LILRB1: variants seen among roughly 807,000 people sequenced by gnomAD.
LILRB1 encodes leukocyte immunoglobulin-like receptor subfamily B member 1.
Under a neutral mutation model 74.6 loss-of-function variants are expected in LILRB1, and 59 were observed. The ratio of observed to expected loss-of-function variants is 0.79; its 90% CI spans 0.64 to 0.98. The LOEUF (loss-of-function observed/expected upper bound fraction) is 0.98, where lower values mean the gene tolerates loss of function less well. Ranked by LOEUF, LILRB1 falls within the 50% of genes least tolerant of loss-of-function variation. LILRB1 has a pLI of 0.00. For missense variants in LILRB1, 804 were observed against 822.6 expected (o/e 0.98, Z 0.28); for synonymous variants, 328 against 333.9 (o/e 0.98, Z 0.19).
chr19:54,634,797 C>T lies in LILRB1; in HGVS notation c.1486+34C>T, dbSNP rs535265634. 5.0e-6 allele frequency: 8 copies of T among 1,610,058 alleles called. No individual in the cohort carries two copies. In the Admixed American group the frequency reaches 5.0e-5, roughly 10 times the overall value. ...GGAATGGGGGGACCCTGAGGGCTGA[C>T]CGAGGGTGGGCTCAGGGCACAGCCA... On this transcript the variant is annotated intron_variant, in intron 10 of 14. Transcript: ENST00000324602.
Position 54,634,337 on chromosome 19 carries a change from C to T in LILRB1, c.1364-304C>T, listed in dbSNP as rs753000020. 8 of 1,541,098 alleles carry T rather than the reference C, an allele frequency of 5.2e-6. No individual in the cohort carries two copies. The South Asian group carries it at 9.5e-5, about 18-fold the overall frequency. On this transcript the variant is annotated intron_variant, in intron 9 of 14. Coordinates refer to ENST00000324602, the MANE Select transcript of LILRB1 (RefSeq NM_001081637.3). Reference sequence around the variant, plus strand: ...AGGGGAGGGGAGAAGAGTCATGGTTCAGGACGGTCAGGCTCTTTCCCTGCA... The same window carrying T: ...AGGGGAGGGGAGAAGAGTCATGGTTTAGGACGGTCAGGCTCTTTCCCTGCA...
At chr19:54,624,894 A>C (rs962580071) in intron 1 of LILRB1, among the ~76,000 whole-genome samples, 7 of 150,134 alleles carry the variant, frequency 4.7e-5, no homozygotes, top group Non-Finnish European at 1.0e-4. Flanking sequence ...TGCAGCTGAA[A>C]TGTCCAGGTG....
chr19:54,619,954 GT>G (rs547546954), intron 1 of LILRB1, among the ~76,000 whole-genome samples: 4 of 144,870 alleles, frequency 2.8e-5, no homozygotes, highest in Admixed American at 6.9e-5. Flanking sequence ...GTTAAACCTC[GT>G]TTTTTTTTTT....
At chr19:54,633,427 C>A (rs935186890) in intron 7 of LILRB1, 109 bp downstream of exon 7, 3 of 1,430,018 alleles carry the variant, frequency 2.1e-6, no homozygotes, top group African/African-American at 2.9e-5. Flanking sequence ...AGGGGCTCAG[C>A]CAGTGGGAGA....
At chr19:54,623,289 T>C (rs7256633) in intron 1 of LILRB1, among the ~76,000 whole-genome samples, 2,754 of 152,306 alleles carry the variant, frequency 0.018, 90 homozygotes, top group African/African-American at 0.063. Context: ...AATCCATCTG[T>C]TCTTGGGCTT....
At position 54,637,695 on chromosome 19, in the gene LILRB1, T is replaced by C. The variant is rs1187933739; in HGVS notation, c.*817T>C. On this transcript the variant is annotated 3_prime_UTR_variant, in exon 15 of 15. Transcript: ENST00000324602. ...TCAACAAAGCCAGTGAAGCTCATTC[T>C]TGAAAACATGAATCACACTCATGAA... Among the ~76,000 whole-genome samples the C allele has an allele frequency of 6.6e-6, 1 of 152,176 alleles. No homozygotes were observed. The highest frequency in any genetic ancestry group is 1.5e-5 in the Non-Finnish European group (1 of 68,040).
At chr19:54,635,878 A>T in intron 13 of LILRB1, 1 of 666,916 alleles carries the variant, frequency 1.5e-6, no homozygotes, top group Non-Finnish European at 2.8e-6. Context: ...GAGGATGAGG[A>T]ATAAATGAAC....
chr19:54,626,659 T>A (rs2063597963), upstream of LILRB1, among the ~76,000 whole-genome samples: 1 of 152,272 alleles, frequency 6.6e-6, no homozygotes, highest in Admixed American at 6.5e-5. Context: ...ATTTTTCACC[T>A]CACAGTAGCT....
At chr19:54,618,066 A>C (rs2063355020) in intron 1 of LILRB1, among the ~76,000 whole-genome samples, 1 of 146,484 alleles carries the variant, frequency 6.8e-6, no homozygotes, top group Admixed American at 7.1e-5. Context: ...ATGCCACTGC[A>C]TTCCAGTCTG....
At chr19:54,626,763 T>C (rs570084195), upstream of LILRB1, among the ~76,000 whole-genome samples, 3 of 152,254 alleles carry the variant, frequency 2.0e-5, no homozygotes, top group Non-Finnish European at 4.4e-5. Context: ...ACATGTGATC[T>C]TCCATACAGT....
chr19:54,634,586 AGT>A, intron 9 of LILRB1, 53 bp from the exon 10 acceptor site: 1 of 1,559,752 alleles, frequency 6.4e-7, no homozygotes, highest in Non-Finnish European at 8.7e-7. Flanking sequence ...ACCTGCACAC[AGT>A]AGGCGCTCAT....
Position 54,632,023 on chromosome 19 carries a change from G to A in LILRB1, c.447G>A (p.Val149=). Residue 149 remains valine (V), a synonymous_variant, in exon 5 of 15, where the codon GTG becomes GTA. Coordinates refer to ENST00000324602, the MANE Select transcript of LILRB1 (RefSeq NM_001081637.3). ...TAACCCTCCAGTGTGACTCACAGGT[G>A]GCATTTGATGGCTTCATTCTGTGTA... The part of the protein sequence containing the change: ...GNVTLQCDSQ[V]AFDGFILCKE... 6.2e-7 allele frequency: 1 copy of A among 1,614,190 alleles called. No homozygotes were observed. The highest frequency in any genetic ancestry group is 1.3e-5 in the African/African-American group (1 of 75,078).
upstream of LILRB1, among the ~76,000 whole-genome samples, chr19:54,616,413 T>C (rs1447766295): frequency 1.3e-5 from 2 of 152,144 alleles, no homozygotes; most frequent in Non-Finnish European, 2.9e-5. Context: ...ACTCTTTTTG[T>C]CCACAATAAT....
At chr19:54,617,557 G>C (rs923592398) in intron 1 of LILRB1, among the ~76,000 whole-genome samples, 2 of 134,084 alleles carry the variant, frequency 1.5e-5, no homozygotes, top group African/African-American at 3.1e-5. Context: ...GGATGTCTGT[G>C]TGTGTGTGTG....
intron 1 of LILRB1, among the ~76,000 whole-genome samples, chr19:54,619,365 G>C (rs1392516271): frequency 1.3e-5 from 2 of 151,944 alleles, no homozygotes; most frequent in Non-Finnish European, 2.9e-5. Flanking sequence ...TAATGTAGTT[G>C]GTTATGATTA....
intron 1 of LILRB1, 186 bp from the exon 2 acceptor site, chr19:54,630,840 C>T: frequency 1.2e-6 from 1 of 829,058 alleles, no homozygotes; most frequent in Non-Finnish European, 2.0e-6. Context: ...CAGGAAAGGG[C>T]CCATTACCAT....
In LILRB1 at chr19:54,631,806, G is replaced by C. The variant is rs371752577; in HGVS notation, c.358+19G>C. ...GTGACAGGTGAGCTGACACTCAGGG[G>C]TCCCAGCCCCAGACTCTGCCCTCAG... On this transcript the variant is annotated intron_variant, in intron 4 of 14. Coordinates refer to ENST00000324602, the MANE Select transcript of LILRB1 (RefSeq NM_001081637.3). 2 of 1,607,350 alleles carry C rather than the reference G, an allele frequency of 1.2e-6. No homozygotes were observed. Among genetic ancestry groups the C allele is most frequent in the African/African-American group, 1.3e-5 (1 of 74,578 alleles).
At chr19:54,618,983 A>G (rs1459368708) in intron 1 of LILRB1, among the ~76,000 whole-genome samples, 1 of 152,184 alleles carries the variant, frequency 6.6e-6, no homozygotes, top group Non-Finnish European at 1.5e-5. Flanking sequence ...AATAGATATT[A>G]ATTGATTAGC....
intron 1 of LILRB1, among the ~76,000 whole-genome samples, chr19:54,617,589 G>GTGTGTGGTGT (rs58534340): frequency 6.3e-4 from 80 of 127,474 alleles, no homozygotes; most frequent in African/African-American, 2.3e-3. Context: ...GTGTGTGTGT[G>GTGTGTGGTGT]GTGTGTGTGT....
Sources: allele counts gnomAD v4.1 joint callset (sites outside exome capture counted in the v4.1 genomes callset), GRCh38; gene constraint gnomAD v4.1.1; transcripts MANE v1.5; gene names NCBI Gene and HGNC (gene_info 2026-07-23, HGNC 2026-07-21).